Variants in WIPF3 observed in about 807,000 individuals in gnomAD.
The protein encoded by WIPF3 is WAS/WASL interacting protein family member 3.
A neutral mutation model predicts 38.9 loss-of-function variants in WIPF3; 33 were observed. The observed-to-expected ratio is 0.85, with a 90% CI of 0.64 to 1.14. The LOEUF is 1.14. Ranked by LOEUF, WIPF3 falls within the 50% of genes most tolerant of loss-of-function variation. The pLI is 0.00. For missense variants in WIPF3, 711 were observed against 652.5 expected, an observed-to-expected ratio of 1.09 and a Z score of -0.98; for synonymous variants, 324 against 269.3, an observed-to-expected ratio of 1.20 and a Z score of -1.99.
At chr7:29,816,321 C>T (rs951151728) in intron 1 of WIPF3, among the ~76,000 whole-genome samples, 3 of 151,770 alleles carry the variant, frequency 2.0e-5, no homozygotes, top group African/African-American at 7.3e-5. Context: ...TTATTATCAT[C>T]ATCATCATCA....
intron 2 of WIPF3, among the ~76,000 whole-genome samples, chr7:29,867,513 C>G (rs536217523): frequency 6.6e-6 from 1 of 150,712 alleles, no homozygotes; most frequent in South Asian, 2.1e-4. Context: ...ATTAGTTATT[C>G]CTGGTGCCAT....
intron 7 of WIPF3, among the ~76,000 whole-genome samples, chr7:29,891,167 GA>G (rs1219896748): frequency 1.4e-5 from 1 of 72,946 alleles, no homozygotes; most frequent in African/African-American, 4.4e-5. Flanking sequence ...TGCTCAGGTG[GA>G]GGGGGCGCGG....
chr7:29,843,651 C>T (rs1041202794), intron 2 of WIPF3, among the ~76,000 whole-genome samples: 3 of 152,162 alleles, frequency 2.0e-5, no homozygotes, highest in African/African-American at 7.2e-5. Context: ...AAACTGCCAG[C>T]GAACCTTTCC....
intron 2 of WIPF3, among the ~76,000 whole-genome samples, chr7:29,856,933 C>T (rs538151555): frequency 6.6e-6 from 1 of 152,254 alleles, no homozygotes; most frequent in Non-Finnish European, 1.5e-5. Flanking sequence ...TATTTTTTCG[C>T]AAATCACTAT....
At chr7:29,839,912 A>G (rs1390317373) in intron 2 of WIPF3, among the ~76,000 whole-genome samples, 1 of 152,190 alleles carries the variant, frequency 6.6e-6, no homozygotes, top group Non-Finnish European at 1.5e-5. Context: ...GTAGGCTTGA[A>G]TTTTAAAAAT....
At chr7:29,820,310 G>T (rs1403004913) in intron 1 of WIPF3, among the ~76,000 whole-genome samples, 4 of 152,002 alleles carry the variant, frequency 2.6e-5, no homozygotes, top group Non-Finnish European at 5.9e-5. Context: ...TTCAAATCAG[G>T]TGTGTATCTT....
chr7:29,897,426 C>T (rs1786173715), intron 7 of WIPF3, among the ~76,000 whole-genome samples: 1 of 152,160 alleles, frequency 6.6e-6, no homozygotes, highest in Non-Finnish European at 1.5e-5. Context: ...TACACTTCTA[C>T]CATCAGTGTG....
chr7:29,820,998 A>T (rs1211652557), intron 1 of WIPF3, among the ~76,000 whole-genome samples: 1 of 152,122 alleles, frequency 6.6e-6, no homozygotes, highest in African/African-American at 2.4e-5. Context: ...TTCAGTCTTG[A>T]TTCAGCAGTT....
At chr7:29,863,244 C>A (rs1218498477) in intron 2 of WIPF3, among the ~76,000 whole-genome samples, 5 of 152,132 alleles carry the variant, frequency 3.3e-5, no homozygotes, top group Non-Finnish European at 5.9e-5. Context: ...TTCCTTCCAC[C>A]CATAATCCAT....
At chr7:29,870,028 G>T (rs955752387) in intron 2 of WIPF3, among the ~76,000 whole-genome samples, 1 of 152,194 alleles carries the variant, frequency 6.6e-6, no homozygotes, top group Non-Finnish European at 1.5e-5. Context: ...GGTAGTAGAT[G>T]CTCTGCTAAG....
chr7:29,829,998 G>A (rs753201492), intron 1 of WIPF3, among the ~76,000 whole-genome samples: 3 of 152,010 alleles, frequency 2.0e-5, no homozygotes, highest in African/African-American at 7.3e-5. Flanking sequence ...ACAAAGCCTC[G>A]AAGAGCTCTT....
At chr7:29,869,816 T>C (rs1279716751) in intron 2 of WIPF3, among the ~76,000 whole-genome samples, 1 of 152,210 alleles carries the variant, frequency 6.6e-6, no homozygotes, top group Non-Finnish European at 1.5e-5. Flanking sequence ...GTGCAGTTTG[T>C]AGTTAGGAAG....
intron 2 of WIPF3, among the ~76,000 whole-genome samples, chr7:29,846,506 G>C (rs968966915): frequency 2.6e-5 from 4 of 152,198 alleles, no homozygotes; most frequent in African/African-American, 9.7e-5. Context: ...TTCAACACCA[G>C]CCTGGCCAAT....
In WIPF3 at chr7:29,916,673, A is replaced by G. The variant is rs1309039884; in HGVS notation, c.*2157A>G. 2 of 152,082 alleles carry G rather than the reference A, an allele frequency of 1.3e-5. No homozygotes were observed. The highest frequency in any genetic ancestry group is 2.4e-5 in the African/African-American group (1 of 41,366). The allele number at this position is 152,082 out of a possible 1,614,324, so 9.4% of individuals were successfully genotyped here. A position where few individuals can be genotyped will look rare whatever the true frequency, so the allele number is the denominator to read the frequency against. On this transcript the variant is annotated 3_prime_UTR_variant, in exon 9 of 9. Coordinates refer to ENST00000242140, the MANE Select transcript of WIPF3 (RefSeq NM_001080529.3). The stretch of plus-strand genomic sequence containing the variant: ...GGTTGCAGTGAGCTGAGATGGCACC[A>G]CTGCACTCTAGCCTGGGCAACAGAG...
chr7:29,872,798 C>CAAAAA (rs61693654), intron 2 of WIPF3, among the ~76,000 whole-genome samples: 2,841 of 31,048 alleles, frequency 0.092, 595 homozygotes, highest in African/African-American at 0.11. Context: ...GACTCCATCT[C>CAAAAA]AAAAAAAAAA....
chr7:29,864,371 C>A (rs1045015465), intron 2 of WIPF3, among the ~76,000 whole-genome samples: 4 of 152,124 alleles, frequency 2.6e-5, no homozygotes, highest in Admixed American at 6.5e-5. Flanking sequence ...TCAGAATAAA[C>A]CCCACTTAGT....
chr7:29,832,635 A>G (rs1784739237), intron 1 of WIPF3, among the ~76,000 whole-genome samples: 1 of 152,200 alleles, frequency 6.6e-6, no homozygotes, highest in African/African-American at 2.4e-5. Context: ...CTTTGTAAGA[A>G]AAGTGTAGTT....
At chr7:29,886,626 G>GTAT (rs998291450) in intron 5 of WIPF3, among the ~76,000 whole-genome samples, 4 of 151,984 alleles carry the variant, frequency 2.6e-5, no homozygotes, top group African/African-American at 9.7e-5. Context: ...TAAGGTGCTG[G>GTAT]TATTACAAGT....
rs1403321707 is a variant in WIPF3, at chr7:29,823,619, T to A, written c.-57-11049T>A. Reference sequence around the variant, plus strand: ...AAAAATATCTTGATACCAACTGATATGGTTTGGATTTGTATCCCTGCCCAA... The same window carrying A: ...AAAAATATCTTGATACCAACTGATAAGGTTTGGATTTGTATCCCTGCCCAA... On this transcript the variant is annotated intron_variant, in intron 1 of 8. Transcript: ENST00000242140. This position sits in a 1 kb window ranked among gnomAD's most constrained non-coding sequence, Gnocchi z 4.0. 1.3e-5 allele frequency among the ~76,000 whole-genome samples: 2 copies of A among 152,222 alleles called. No homozygotes were observed. The highest frequency in any genetic ancestry group is 2.9e-5 in the Non-Finnish European group (2 of 68,042).
Sources: gnomAD v4.1 joint callset for allele counts (sites outside exome capture counted in the v4.1 genomes callset) on GRCh38, gnomAD v4.1.1 for gene constraint, Gnocchi (gnomAD v3.1) non-coding constraint, MANE v1.5 for transcripts, NCBI Gene and HGNC (gene_info 2026-07-23, HGNC 2026-07-21) for gene names.